ECI2: variants seen among roughly 807,000 people sequenced by gnomAD.
ECI2 encodes the protein D3,D2-enoyl-CoA isomerase.
ECI2 carries 27 observed loss-of-function variants against 38.4 expected under a neutral mutation model. The ratio of observed to expected loss-of-function variants is 0.70; its 90% CI spans 0.52 to 0.97. The LOEUF is 0.97. Ranked by LOEUF, ECI2 falls within the 50% of genes least tolerant of loss-of-function variation. The probability of loss-of-function intolerance (pLI) is 0.00; values close to 1 mark genes in which losing one functional copy is unlikely to be tolerated. For missense variants in ECI2, 470 were observed against 474.4 expected, an observed-to-expected ratio of 0.99 and a Z score of 0.09; for synonymous variants, 168 against 172.0, an observed-to-expected ratio of 0.98 and a Z score of 0.18.
rs975508471 is a variant in ECI2, at chr6:4,115,920, C to T, written c.1139G>A (p.Cys380Tyr). The change falls in exon 10 of 10, where the codon TGC (cysteine) becomes TAC (tyrosine). Residue 380 changes from cysteine (C) to tyrosine (Y), a missense_variant. Coordinates refer to ENST00000380118, the MANE Select transcript of ECI2 (RefSeq NM_206836.3). ...TAAGAAGTTCACCACAGCATTTGTGCATTCATCTGATAGCCATCTTCCCTG... is the reference window on the plus strand; with the variant it reads ...TAAGAAGTTCACCACAGCATTTGTGTATTCATCTGATAGCCATCTTCCCTG... Reference protein sequence around the residue: ...VLQGRWLSDECTNAVVNFLSR... With the variant: ...VLQGRWLSDEYTNAVVNFLSR... The T allele has an allele frequency of 1.2e-6, 2 of 1,614,164 alleles. No individual in the cohort carries two copies. The highest frequency in any genetic ancestry group is 1.7e-6 in the Non-Finnish European group (2 of 1,180,016).
At chr6:4,125,009 A>C in intron 7 of ECI2, 1 of 646,784 alleles carries the variant, frequency 1.5e-6, no homozygotes, top group Middle Eastern at 2.5e-4. Context: ...CCTATTGTGG[A>C]ATTTGATTAG....
At chr6:4,121,625 GT>G (rs991639936) in intron 7 of ECI2, among the ~76,000 whole-genome samples, 2 of 149,158 alleles carry the variant, frequency 1.3e-5, no homozygotes, top group Admixed American at 6.7e-5. Flanking sequence ...TGCCCCAGTG[GT>G]TTTTTTGGTT....
intron 4 of ECI2, among the ~76,000 whole-genome samples, chr6:4,129,039 C>T (rs961766064): frequency 1.3e-5 from 2 of 152,066 alleles, no homozygotes; most frequent in Admixed American, 1.3e-4. Flanking sequence ...TATCAGGGTT[C>T]CTTCCTTCCA....
chr6:4,117,442 T>A lies in ECI2; in HGVS notation c.895A>T (p.Met299Leu). The change falls in exon 9 of 10, where the codon ATG becomes TTG. Residue 299 changes from methionine (M) to leucine (L), a missense_variant. Met to Leu is a conservative substitution (Grantham distance 15, BLOSUM62 2). Transcript: ENST00000380118. ...KIMSPAKATE[M>L]LIFGKKLTAG... Reference sequence around the variant, plus strand: ...GTTAACTTCTTTCCAAAAATAAGCATCTCTGTTGCCTGAAATGAAAAGCAA... The same window carrying A: ...GTTAACTTCTTTCCAAAAATAAGCAACTCTGTTGCCTGAAATGAAAAGCAA... The A allele has an allele frequency of 6.2e-7, 1 of 1,611,868 alleles. No individual in the cohort carries two copies. Among genetic ancestry groups the A allele is most frequent in the Non-Finnish European group, 8.5e-7 (1 of 1,179,532 alleles).
Position 4,119,186 on chromosome 6 carries a change from C to A in ECI2, c.885G>T (p.Lys295Asn). 6.2e-7 allele frequency: 1 copy of A among 1,610,578 alleles called. No individual in the cohort carries two copies. The highest frequency in any genetic ancestry group is 1.3e-5 in the African/African-American group (1 of 74,732). Residue 295 changes from lysine to asparagine, a missense_variant and splice_region_variant, in exon 8 of 10, where the codon AAG (lysine) becomes AAT (asparagine). Lys to Asn is a moderately conservative substitution (Grantham distance 94, BLOSUM62 0). Coordinates refer to ENST00000380118, the MANE Select transcript of ECI2 (RefSeq NM_206836.3). ...YTFPKIMSPAKATEMLIFGKK... is the reference protein window; with the variant it reads ...YTFPKIMSPANATEMLIFGKK... ...TATATTTAAACATTCCAAAAGTTAC[C>A]TTGGCTGGGCTCATTATCTTCGGAA...
At chr6:4,117,528 C>CAT in intron 8 of ECI2, 77 bp from the exon 9 acceptor site, 1 of 1,551,182 alleles carries the variant, frequency 6.4e-7, no homozygotes, top group Non-Finnish European at 8.7e-7. Context: ...TTTCAGGAGG[C>CAT]TTAGAGAGAT....
intron 7 of ECI2, among the ~76,000 whole-genome samples, chr6:4,124,409 A>C (rs1773006977): frequency 6.6e-6 from 1 of 152,238 alleles, no homozygotes; most frequent in Admixed American, 6.5e-5. Flanking sequence ...CTTCAGTGGT[A>C]AAAACCATAT....
In ECI2 at chr6:4,130,773, C is replaced by T. The variant is rs745999661; in HGVS notation, c.306G>A (p.Leu102=). The change falls in exon 3 of 10, where the codon CTG becomes CTA. Residue 102 remains leucine, a synonymous_variant. Coordinates refer to ENST00000380118, the MANE Select transcript of ECI2 (RefSeq NM_206836.3). ...KWDAWNALGS[L]PKEAARQNYV... ...CAGTAACTAGTAAACTCACCTTGGGCAGGCTGCCAAGGGCATTCCATGCGT... is the reference window on the plus strand; with the variant it reads ...CAGTAACTAGTAAACTCACCTTGGGTAGGCTGCCAAGGGCATTCCATGCGT... 2 of 1,613,990 alleles carry T rather than the reference C, an allele frequency of 1.2e-6. No homozygotes were observed. The highest frequency in any genetic ancestry group is 1.6e-4 in the Middle Eastern group (1 of 6,062).
At chr6:4,119,105 A>C in intron 8 of ECI2, 81 bp downstream of exon 8, 1 of 1,161,218 alleles carries the variant, frequency 8.6e-7, no homozygotes, top group African/African-American at 1.6e-5. Flanking sequence ...CAAGGGAAAG[A>C]AGGGAGAGTA....
intron 2 of ECI2, among the ~76,000 whole-genome samples, chr6:4,131,172 CACAA>C (rs1381749440): frequency 1.3e-5 from 2 of 151,998 alleles, no homozygotes; most frequent in African/African-American, 4.8e-5. Flanking sequence ...TCACATTTTC[CACAA>C]ACAATCAAAA....
intron 5 of ECI2, among the ~76,000 whole-genome samples, chr6:4,127,400 G>C (rs1176355902): frequency 7.6e-6 from 1 of 131,536 alleles, no homozygotes; most frequent in Non-Finnish European, 1.6e-5. Flanking sequence ...AAAGATCTTA[G>C]AGCCTTTTTT....
intron 8 of ECI2, 137 bp downstream of exon 8, chr6:4,119,049 A>AAAT: frequency 1.4e-6 from 1 of 699,950 alleles, no homozygotes; most frequent in Non-Finnish European, 2.3e-6. Flanking sequence ...TAAAACTCTT[A>AAAT]AAGAGTTGAA....
At chr6:4,121,697 T>G (rs1475589671) in intron 7 of ECI2, among the ~76,000 whole-genome samples, 2 of 151,606 alleles carry the variant, frequency 1.3e-5, no homozygotes, top group Non-Finnish European at 2.9e-5. Flanking sequence ...TTTTTAGTTT[T>G]TTTTTTTTTT....
At position 4,120,481 on chromosome 6, in the gene ECI2, C is replaced by A. The variant is rs531017808; in HGVS notation, c.796-1206G>T. ...GTGGCTCATGCCTGTAATCCCAACACTTTGGGAGGCAGAGGTGGGCAAATC... is the reference window on the plus strand; with the variant it reads ...GTGGCTCATGCCTGTAATCCCAACAATTTGGGAGGCAGAGGTGGGCAAATC... On this transcript the variant is annotated intron_variant, in intron 7 of 9. Coordinates refer to ENST00000380118, the MANE Select transcript of ECI2 (RefSeq NM_206836.3). Among the ~76,000 whole-genome samples, 14 of 152,256 alleles carry A rather than the reference C, an allele frequency of 9.2e-5. No individual in the cohort carries two copies. The East Asian group carries it at 2.7e-3, about 29-fold the overall frequency.
rs1201278205 is a variant in ECI2 at position 4,135,522 on chromosome 6, A to G, written c.39T>C (p.Arg13=). 6.6e-7 allele frequency: 1 copy of G among 1,516,496 alleles called. No homozygotes were observed. Among genetic ancestry groups the G allele is most frequent in the African/African-American group, 1.4e-5 (1 of 70,942 alleles). The allele number at this position is 1,516,496 out of a possible 1,614,324, so 93.9% of individuals were successfully genotyped here. The change falls in exon 1 of 10, where the codon CGT becomes CGC. Residue 13 remains arginine (R), a synonymous_variant. Transcript: ENST00000380118. ...GACTCCAAGCTTACCTCGGACACGA[A>G]CGCCGCGCCAGTCTCCAAGCCAAGT... ...MAYLAWRLAR[R]SCPSSLQVTS...
intron 4 of ECI2, among the ~76,000 whole-genome samples, chr6:4,128,277 A>C (rs1039417357): frequency 3.3e-5 from 5 of 151,930 alleles, no homozygotes; most frequent in Non-Finnish European, 7.4e-5. Flanking sequence ...CTACAAAGCA[A>C]CGTCTCTGTT....
intron 2 of ECI2, 151 bp downstream of exon 2, chr6:4,133,398 A>G (rs954713031): frequency 3.7e-5 from 24 of 647,178 alleles, no homozygotes; most frequent in Middle Eastern, 5.1e-4. Context: ...AAAAACTGGC[A>G]TATATATATA....
intron 1 of ECI2, chr6:4,135,211 C>G (rs1239082502): frequency 6.1e-6 from 5 of 822,894 alleles, no homozygotes; most frequent in Non-Finnish European, 7.7e-6. Context: ...CGCCCGGAGT[C>G]CGGCCCCAGG....
chr6:4,133,777 T>C, intron 1 of ECI2, 66 bp from the exon 2 acceptor site: 1 of 1,524,430 alleles, frequency 6.6e-7, no homozygotes, highest in African/African-American at 1.4e-5. Flanking sequence ...TGATTTCTAA[T>C]TGTTCCCAGC....
Sources: gnomAD v4.1 joint callset for allele counts (sites outside exome capture counted in the v4.1 genomes callset) on GRCh38, gnomAD v4.1.1 for gene constraint, MANE v1.5 for transcripts, NCBI Gene and HGNC (gene_info 2026-07-23, HGNC 2026-07-21) for gene names.